Variants in DMD observed in about 807,000 individuals in gnomAD.
The protein encoded by DMD is dystrophin.
DMD carries 63 observed loss-of-function variants against 330.1 expected under a neutral mutation model. The observed-to-expected ratio is 0.19, with a 90% CI of 0.16 to 0.24. The LOEUF (loss-of-function observed/expected upper bound fraction) is 0.24. Among genes scored for constraint, DMD ranks in the 10% least tolerant of loss-of-function variants. The probability of loss-of-function intolerance (pLI) is 1.00; values close to 1 mark genes in which losing one functional copy is unlikely to be tolerated. For synonymous variants in DMD, 1,223 were observed against 959.8 expected, an observed-to-expected ratio of 1.27 and a Z score of -5.07; for missense variants, 3,344 against 2,684.1, an observed-to-expected ratio of 1.25 and a Z score of -5.43.
intron 4 of DMD, 54 bp downstream of exon 4, chrX:32,844,729 A>G: frequency 2.6e-5 from 28 of 1,064,982 alleles, no homozygotes; most frequent in Non-Finnish European, 3.5e-5. Flanking sequence ...CCCTCACTCA[A>G]ACATGAAGCA....
At chrX:31,342,394 CCA>C (rs767945771) in intron 61 of DMD, among the ~76,000 whole-genome samples, 2 of 111,933 alleles carry the variant, frequency 1.8e-5, no homozygotes, top group Non-Finnish European at 3.8e-5. Context: ...AAAAAGGCTT[CCA>C]CAGTCACCTA....
intron 9 of DMD, among the ~76,000 whole-genome samples, chrX:32,675,686 T>C (rs915450984): frequency 9.0e-6 from 1 of 111,482 alleles, no homozygotes; most frequent in African/African-American, 3.3e-5. Flanking sequence ...AGATTGTGTG[T>C]GTGTTCAAAT....
At chrX:32,410,899 A>C (rs2098139035) in intron 30 of DMD, among the ~76,000 whole-genome samples, 1 of 112,155 alleles carries the variant, frequency 8.9e-6, no homozygotes, top group South Asian at 3.7e-4. Flanking sequence ...TCATTCTAGA[A>C]AAACAGGTAA....
At chrX:32,456,596 GTGTGTGTGTGTGTGTGTGTGTA>G (rs1173008506) in intron 25 of DMD, among the ~76,000 whole-genome samples, 2 of 102,947 alleles carry the variant, frequency 1.9e-5, no homozygotes, top group African/African-American at 7.2e-5. Context: ...GTGTGTGTGT[GTGTGTGTGTGTGTGTGTGTGTA>G]TGTGTGTGTG....
intron 51 of DMD, among the ~76,000 whole-genome samples, chrX:31,750,369 C>A (rs2088414027): frequency 9.3e-6 from 1 of 107,810 alleles, no homozygotes; most frequent in African/African-American, 3.4e-5. Context: ...ATATGGCTAG[C>A]CAGTTTTCCC....
At chrX:32,437,680 G>T (rs893176052) in intron 29 of DMD, among the ~76,000 whole-genome samples, 1 of 111,945 alleles carries the variant, frequency 8.9e-6, no homozygotes, top group Admixed American at 9.5e-5. Flanking sequence ...TATAAAATGG[G>T]TTTTCTTCTT....
At chrX:31,484,621 G>T (rs67178585) in intron 57 of DMD, among the ~76,000 whole-genome samples, 25,384 of 110,827 alleles carry the variant, frequency 0.23, 2,796 homozygotes, top group African/African-American at 0.42. Flanking sequence ...GTTTGTCCTT[G>T]AGCTTCTTAA....
chrX:31,879,521 C>G lies in DMD; in HGVS notation c.6913-4148G>C, dbSNP rs777439958. 4.5e-5 allele frequency among the ~76,000 whole-genome samples: 5 copies of G among 111,946 alleles called. No individual in the cohort carries two copies. The South Asian group carries it at 1.9e-3, about 42-fold the overall frequency. Reference sequence around the variant, plus strand: ...AAGGAAAACTACTGTACCAGCTCATCTTCCTACCACAAAATGTTGTTGAGA... The same window carrying G: ...AAGGAAAACTACTGTACCAGCTCATGTTCCTACCACAAAATGTTGTTGAGA... On this transcript the variant is annotated intron_variant, in intron 47 of 78. Transcript: ENST00000357033.
intron 3 of DMD, among the ~76,000 whole-genome samples, chrX:32,847,047 A>G (rs769294498): frequency 9.0e-6 from 1 of 111,240 alleles, no homozygotes; most frequent in South Asian, 3.8e-4. Context: ...CAAATAACCA[A>G]TCTTCTTGTG....
intron 55 of DMD, among the ~76,000 whole-genome samples, chrX:31,584,496 TA>T (rs1195446884): frequency 8.9e-6 from 1 of 111,919 alleles, no homozygotes; most frequent in Non-Finnish European, 1.9e-5. Context: ...CATTCTATTT[TA>T]AAGATACATG....
intron 62 of DMD, among the ~76,000 whole-genome samples, chrX:31,306,030 A>C (rs2055006114): frequency 8.9e-6 from 1 of 112,163 alleles, no homozygotes; most frequent in Admixed American, 9.5e-5. Context: ...AACTACCTTA[A>C]AAGATAATCA....
At chrX:32,262,447 CAT>C (rs973373216) in intron 43 of DMD, among the ~76,000 whole-genome samples, 8 of 111,103 alleles carry the variant, frequency 7.2e-5, no homozygotes, top group African/African-American at 2.3e-4. Context: ...CTGGTATTTG[CAT>C]ATGTCAAAAC....
intron 11 of DMD, among the ~76,000 whole-genome samples, chrX:32,615,712 G>C (rs2057511059): frequency 9.0e-6 from 1 of 110,944 alleles, no homozygotes; most frequent in Non-Finnish European, 1.9e-5. Context: ...TTTTTTAACA[G>C]ATTTAATTTT....
At chrX:31,929,447 A>G (rs1359957814) in intron 47 of DMD, 149 bp downstream of exon 47, 3 of 683,297 alleles carry the variant, frequency 4.4e-6, no homozygotes, top group Non-Finnish European at 6.8e-6. Flanking sequence ...ACATATAGCC[A>G]AAGCAAACGG....
At chrX:31,911,018 A>G (rs1244404698) in intron 47 of DMD, among the ~76,000 whole-genome samples, 1 of 112,225 alleles carries the variant, frequency 8.9e-6, no homozygotes, top group African/African-American at 3.2e-5. Context: ...TTGTGACTAC[A>G]TGGCAGTTTG....
At chrX:31,632,328 C>T (rs998519778) in intron 54 of DMD, among the ~76,000 whole-genome samples, 2 of 111,654 alleles carry the variant, frequency 1.8e-5, no homozygotes, top group East Asian at 2.8e-4. Flanking sequence ...AATACTTTAT[C>T]GGTGCATTAT....
At chrX:31,180,531 C>A (rs1248028064) in intron 68 of DMD, 50 bp from the exon 69 acceptor site, 1 of 818,955 alleles carries the variant, frequency 1.2e-6, no homozygotes, top group South Asian at 2.1e-5. Context: ...AATCAAATTC[C>A]CAAAGAACAC....
intron 67 of DMD, among the ~76,000 whole-genome samples, chrX:31,187,971 G>T (rs2041973632): frequency 8.9e-6 from 1 of 111,986 alleles, no homozygotes; most frequent in African/African-American, 3.2e-5. Flanking sequence ...TCCTGATGCT[G>T]AAAGTTGTTA....
intron 1 of DMD, among the ~76,000 whole-genome samples, chrX:33,123,628 G>T (rs1279918395): frequency 9.2e-6 from 1 of 108,734 alleles, no homozygotes; most frequent in Non-Finnish European, 1.9e-5. Context: ...ATGTTGGCCA[G>T]GCTGGTCTCA....
Sources: allele counts gnomAD v4.1 joint callset (sites outside exome capture counted in the v4.1 genomes callset), GRCh38; gene constraint gnomAD v4.1.1; transcripts MANE v1.5; gene names NCBI Gene and HGNC (gene_info 2026-07-23, HGNC 2026-07-21).